The following DLG2 variants were observed in gnomAD, a reference collection of about 807,000 sequenced individuals.
DLG2 encodes the protein disks large homolog 2.
DLG2 carries 45 observed loss-of-function variants against 132.5 expected under a neutral mutation model. The observed-to-expected ratio is 0.34, with a 90% CI of 0.27 to 0.44. The LOEUF (loss-of-function observed/expected upper bound fraction) is 0.44, where lower values mean the gene tolerates loss of function less well. DLG2 is among the 20% of genes least tolerant of loss of function. The pLI is 1.00. For missense variants in DLG2, 1,045 were observed against 1,196.9 expected, an observed-to-expected ratio of 0.87 and a Z score of 1.87; for synonymous variants, 424 against 419.6, an observed-to-expected ratio of 1.01 and a Z score of -0.13.
chr11:84,843,096 C>A (rs1384726098), intron 6 of DLG2, among the ~76,000 whole-genome samples: 1 of 151,798 alleles, frequency 6.6e-6, no homozygotes, highest in Non-Finnish European at 1.5e-5. Context: ...TAGTATTGTG[C>A]ACTGAAAAAT....
At chr11:84,147,247 G>A (rs1330555740) in intron 9 of DLG2, among the ~76,000 whole-genome samples, 1 of 152,148 alleles carries the variant, frequency 6.6e-6, no homozygotes, top group South Asian at 2.1e-4. Flanking sequence ...TAGCTAACCT[G>A]GTTATTCCAA....
intron 6 of DLG2, among the ~76,000 whole-genome samples, chr11:84,994,384 G>T (rs1351515869): frequency 5.9e-5 from 9 of 152,088 alleles, no homozygotes; most frequent in Non-Finnish European, 8.8e-5. Flanking sequence ...AGGGAAAATG[G>T]TGCTACATAC....
chr11:84,016,164 G>A (rs980196410), intron 11 of DLG2, among the ~76,000 whole-genome samples: 7 of 151,848 alleles, frequency 4.6e-5, no homozygotes, highest in African/African-American at 7.3e-5. Flanking sequence ...ATGTTTGTTG[G>A]CCACACCTCT....
chr11:84,369,286 G>A (rs145513875), intron 7 of DLG2, among the ~76,000 whole-genome samples: 1 of 152,024 alleles, frequency 6.6e-6, no homozygotes, highest in African/African-American at 2.4e-5. Context: ...GTTATGCTTT[G>A]GAACTCATTT....
At chr11:85,460,319 A>G (rs1164864874) in intron 3 of DLG2, among the ~76,000 whole-genome samples, 1 of 152,354 alleles carries the variant, frequency 6.6e-6, no homozygotes, top group East Asian at 1.9e-4. Flanking sequence ...AGCTCTGCCC[A>G]GACTCCACAC....
At chr11:83,939,215 T>C (rs1591457842) in intron 14 of DLG2, among the ~76,000 whole-genome samples, 2 of 152,218 alleles carry the variant, frequency 1.3e-5, no homozygotes, top group South Asian at 2.1e-4. Flanking sequence ...TTGGCATCCT[T>C]TGGGCCAAGT....
chr11:83,983,506 G>C (rs187178157), intron 11 of DLG2, among the ~76,000 whole-genome samples: 2 of 151,926 alleles, frequency 1.3e-5, no homozygotes, highest in African/African-American at 4.8e-5. Context: ...GCACTCTTAA[G>C]ATAGCATAAA....
chr11:84,689,151 T>A (rs1436627480), intron 6 of DLG2, among the ~76,000 whole-genome samples: 1 of 152,294 alleles, frequency 6.6e-6, no homozygotes, highest in East Asian at 1.9e-4. Context: ...AAATTGGCTA[T>A]ACAGTTTTAT....
At chr11:83,897,700 C>T (rs1175365912) in intron 15 of DLG2, among the ~76,000 whole-genome samples, 1 of 151,930 alleles carries the variant, frequency 6.6e-6, no homozygotes, top group South Asian at 2.1e-4. Flanking sequence ...CTCTCTAGGA[C>T]CCAAAGATAA....
chr11:84,908,531 T>C (rs1054116416), intron 6 of DLG2, among the ~76,000 whole-genome samples: 2 of 152,070 alleles, frequency 1.3e-5, no homozygotes, highest in African/African-American at 4.8e-5. Context: ...TTGAAATTTA[T>C]TGTTATGGCT....
At chr11:84,944,898 C>T (rs1246408209) in intron 6 of DLG2, among the ~76,000 whole-genome samples, 6 of 152,142 alleles carry the variant, frequency 3.9e-5, no homozygotes, top group East Asian at 1.9e-4. Context: ...CCATCGTGCC[C>T]GATCTTGTTA....
intron 6 of DLG2, among the ~76,000 whole-genome samples, chr11:84,740,292 C>T (rs1010168508): frequency 2.0e-5 from 3 of 151,962 alleles, no homozygotes; most frequent in Non-Finnish European, 4.4e-5. Context: ...AGCACAAAGG[C>T]AAGAGGGAGG....
At chr11:84,896,098 G>A (rs2090149142) in intron 6 of DLG2, among the ~76,000 whole-genome samples, 1 of 152,040 alleles carries the variant, frequency 6.6e-6, no homozygotes, top group Non-Finnish European at 1.5e-5. Flanking sequence ...TCTATGAGGA[G>A]AAAATATTAA....
chr11:84,632,281 A>G (rs2099633439), intron 6 of DLG2, among the ~76,000 whole-genome samples: 1 of 152,090 alleles, frequency 6.6e-6, no homozygotes, highest in South Asian at 2.1e-4. Flanking sequence ...CCAAGACAGA[A>G]GCAGACAAAT....
chr11:83,650,333 G>A (rs554608487), intron 18 of DLG2, among the ~76,000 whole-genome samples: 3 of 152,244 alleles, frequency 2.0e-5, no homozygotes, highest in Admixed American at 6.5e-5. Flanking sequence ...GGTCAAAGGA[G>A]GAAATAGAAG....
At chr11:83,989,276 C>T (rs1007393492) in intron 11 of DLG2, among the ~76,000 whole-genome samples, 1 of 152,130 alleles carries the variant, frequency 6.6e-6, no homozygotes, top group Non-Finnish European at 1.5e-5. Flanking sequence ...GGCAATGGGA[C>T]AACAGCAGAG....
In DLG2 at chr11:84,267,225, A is replaced by C. The variant is rs907725968; in HGVS notation, c.520-15934T>G. ...TGTTGGTATTGTGATGATTGCGTAC[A>C]AAAGTATAGATTAAAGTAGTTGGTA... On this transcript the variant is annotated intron_variant, in intron 7 of 27. Coordinates refer to ENST00000376104, the MANE Select transcript of DLG2 (RefSeq NM_001142699.3). Among the ~76,000 whole-genome samples the C allele has an allele frequency of 2.0e-5, 2 of 101,918 alleles. 1 individual carries two copies. Among genetic ancestry groups the C allele is most frequent in the South Asian group, 6.9e-4 (2 of 2,916 alleles). The allele number at this position is 101,918 out of a possible 152,430, so 66.9% of individuals were successfully genotyped here. A position where few individuals can be genotyped will look rare whatever the true frequency, so the allele number is the denominator to read the frequency against.
intron 8 of DLG2, among the ~76,000 whole-genome samples, chr11:84,226,698 A>C (rs905345878): frequency 1.3e-5 from 2 of 152,210 alleles, no homozygotes; most frequent in Admixed American, 6.5e-5. Context: ...AATTTACTAC[A>C]AGTCTGTTTA....
intron 3 of DLG2, among the ~76,000 whole-genome samples, chr11:85,556,747 A>G (rs571287077): frequency 2.6e-5 from 4 of 151,866 alleles, no homozygotes; most frequent in Non-Finnish European, 5.9e-5. Context: ...GAATGACAGT[A>G]ACAGCAAAAT....
Sources: allele counts gnomAD v4.1 joint callset (sites outside exome capture counted in the v4.1 genomes callset), GRCh38; gene constraint gnomAD v4.1.1; transcripts MANE v1.5; gene names NCBI Gene and HGNC (gene_info 2026-07-23, HGNC 2026-07-21).